Variants in MCPH1 observed in about 807,000 individuals in gnomAD.
The protein encoded by MCPH1 is microcephalin 1.
A neutral mutation model predicts 84.5 loss-of-function variants in MCPH1; 104 were observed. That is an observed-to-expected ratio of 1.23 (90% confidence interval 1.05 to 1.45). The LOEUF is 1.45. MCPH1 is among the 40% of genes most tolerant of loss of function. The pLI is 0.00. For synonymous variants in MCPH1, 514 were observed against 366.8 expected, an observed-to-expected ratio of 1.40 and a Z score of -4.58; for missense variants, 1,498 against 1,005.7, an observed-to-expected ratio of 1.49 and a Z score of -6.62.
chr8:6,491,123 A>G (rs1810520024), intron 11 of MCPH1, among the ~76,000 whole-genome samples: 1 of 151,356 alleles, frequency 6.6e-6, no homozygotes, highest in African/African-American at 2.4e-5. Flanking sequence ...AGTATGGCAA[A>G]AAGGTGGCCA....
intron 9 of MCPH1, 75 bp from the exon 10 acceptor site, chr8:6,477,519 A>C: frequency 7.4e-7 from 1 of 1,342,590 alleles, no homozygotes; most frequent in Non-Finnish European, 1.1e-6. Context: ...AAAACTTATT[A>C]CAGTTTATTT....
intron 10 of MCPH1, among the ~76,000 whole-genome samples, chr8:6,479,953 C>T (rs191629221): frequency 6.6e-6 from 1 of 151,954 alleles, no homozygotes; most frequent in East Asian, 1.9e-4. Flanking sequence ...AGTAGAAAAA[C>T]TATGTGTTGA....
chr8:6,585,070 C>G (rs1205402111), intron 12 of MCPH1, among the ~76,000 whole-genome samples: 4 of 152,236 alleles, frequency 2.6e-5, no homozygotes, highest in Non-Finnish European at 5.9e-5. Context: ...AAACTATTCT[C>G]TAGCAGTTCG....
chr8:6,602,250 C>A (rs953164449), intron 12 of MCPH1, among the ~76,000 whole-genome samples: 1 of 152,192 alleles, frequency 6.6e-6, no homozygotes, highest in Non-Finnish European at 1.5e-5. Context: ...CCTTAAGCAC[C>A]AAGAGCAGGG....
At chr8:6,551,715 T>G (rs1823679076) in intron 12 of MCPH1, among the ~76,000 whole-genome samples, 1 of 152,240 alleles carries the variant, frequency 6.6e-6, no homozygotes, top group South Asian at 2.1e-4. Context: ...TAAGAACCTA[T>G]TCCTTAATAG....
At chr8:6,456,515 C>G (rs552763971) in intron 9 of MCPH1, among the ~76,000 whole-genome samples, 11 of 152,346 alleles carry the variant, frequency 7.2e-5, no homozygotes, top group Non-Finnish European at 1.2e-4. Flanking sequence ...TCCCGTGCCT[C>G]TCCTGCTGAT....
intron 3 of MCPH1, among the ~76,000 whole-genome samples, chr8:6,424,264 A>G (rs1800713912): frequency 6.6e-6 from 1 of 152,204 alleles, no homozygotes; most frequent in African/African-American, 2.4e-5. Context: ...TGTTGAAGAC[A>G]ATTTATCATT....
chr8:6,540,594 G>A (rs1463735203), intron 12 of MCPH1, among the ~76,000 whole-genome samples: 1 of 152,210 alleles, frequency 6.6e-6, no homozygotes, highest in Non-Finnish European at 1.5e-5. Flanking sequence ...GACGTTGTCA[G>A]GCCACGTCTG....
chr8:6,589,221 C>G (rs1286757017), intron 12 of MCPH1, among the ~76,000 whole-genome samples: 1 of 152,150 alleles, frequency 6.6e-6, no homozygotes, highest in African/African-American at 2.4e-5. Flanking sequence ...TCACCTTAAT[C>G]AATGGCTTTT....
At chr8:6,438,282 A>G (rs1403544795) in intron 5 of MCPH1, among the ~76,000 whole-genome samples, 9 of 152,228 alleles carry the variant, frequency 5.9e-5, no homozygotes, top group Admixed American at 5.9e-4. Flanking sequence ...CAACTAATGT[A>G]CATTTGTATA....
At chr8:6,406,934 G>A (rs2129550348) in intron 1 of MCPH1, 1 of 530,256 alleles carries the variant, frequency 1.9e-6, no homozygotes, top group Non-Finnish European at 3.4e-6. Flanking sequence ...CGTCTCCCGT[G>A]CTCCCTGTCC....
intron 12 of MCPH1, chr8:6,562,595 C>G (rs1395841492): frequency 5.6e-6 from 2 of 356,056 alleles, no homozygotes; most frequent in African/African-American, 3.3e-5. Flanking sequence ...TGAGCTGCTG[C>G]CAAGCTGATC....
intron 1 of MCPH1, among the ~76,000 whole-genome samples, chr8:6,408,979 G>A (rs1031427568): frequency 4.0e-4 from 60 of 151,488 alleles, no homozygotes; most frequent in African/African-American, 1.2e-3. Flanking sequence ...TCTGCCTCCC[G>A]GGTTCAAGTG....
intron 12 of MCPH1, chr8:6,615,999 C>T (rs1214043914): frequency 6.6e-6 from 1 of 152,172 alleles, no homozygotes; most frequent in Non-Finnish European, 1.5e-5. Context: ...TCGCATAACT[C>T]TGACTATACT....
chr8:6,480,586 A>T (rs1809084317), intron 10 of MCPH1, 128 bp from the exon 11 acceptor site: 1 of 953,672 alleles, frequency 1.0e-6, no homozygotes, highest in Non-Finnish European at 1.7e-6. Context: ...AGATATACGT[A>T]CCATAACCAA....
chr8:6,458,627 T>C (rs2979650), intron 9 of MCPH1, among the ~76,000 whole-genome samples: 43,046 of 151,982 alleles, frequency 0.28, 8,320 homozygotes, highest in African/African-American at 0.55. Context: ...TCTTAAAAGG[T>C]AACATTAAAT....
chr8:6,541,392 G>C (rs1821541964), intron 12 of MCPH1, among the ~76,000 whole-genome samples: 1 of 152,186 alleles, frequency 6.6e-6, no homozygotes, highest in Non-Finnish European at 1.5e-5. Context: ...ATAGCCCCCA[G>C]TCAGCAGCGC....
chr8:6,634,333 G>C (rs555345406), intron 13 of MCPH1, among the ~76,000 whole-genome samples: 2 of 152,224 alleles, frequency 1.3e-5, no homozygotes, highest in Non-Finnish European at 2.9e-5. Context: ...GAAACTCATT[G>C]ACGAGTTTGC....
At chr8:6,483,729 A>T (rs1370015741) in intron 11 of MCPH1, among the ~76,000 whole-genome samples, 1 of 152,110 alleles carries the variant, frequency 6.6e-6, no homozygotes, top group Non-Finnish European at 1.5e-5. Context: ...GCATGGTGGC[A>T]CCTGCCTGTA....
Sources: gnomAD v4.1 joint callset for allele counts (sites outside exome capture counted in the v4.1 genomes callset) on GRCh38, gnomAD v4.1.1 for gene constraint, MANE v1.5 for transcripts, NCBI Gene and HGNC (gene_info 2026-07-23, HGNC 2026-07-21) for gene names.